SLC16A9: variants seen among roughly 807,000 people sequenced by gnomAD.
SLC16A9 encodes the protein monocarboxylate transporter 9.
A neutral mutation model predicts 44.3 loss-of-function variants in SLC16A9; 26 were observed. That is an observed-to-expected ratio of 0.59 (90% confidence interval 0.43 to 0.81). The LOEUF (loss-of-function observed/expected upper bound fraction) is 0.81, where lower values mean the gene tolerates loss of function less well. SLC16A9 is among the 40% of genes least tolerant of loss of function. The pLI is 0.00. For synonymous variants in SLC16A9, 230 were observed against 225.1 expected (o/e 1.02, Z -0.19); for missense variants, 559 against 595.8 (o/e 0.94, Z 0.64).
At chr10:59,667,491 T>A (rs537262751) in intron 3 of SLC16A9, among the ~76,000 whole-genome samples, 1 of 152,360 alleles carries the variant, frequency 6.6e-6, no homozygotes, top group African/African-American at 2.4e-5. Context: ...TTTTTCATAA[T>A]AGATATGATA....
chr10:59,676,991 TTAAA>T (rs148432888), intron 2 of SLC16A9, among the ~76,000 whole-genome samples: 42,305 of 150,030 alleles, frequency 0.28, 7,353 homozygotes, highest in Middle Eastern at 0.43. Flanking sequence ...GAAGAAATGT[TTAAA>T]TAAGCTAATA....
chr10:59,674,930 A>C (rs984954323), intron 2 of SLC16A9, among the ~76,000 whole-genome samples: 1 of 152,342 alleles, frequency 6.6e-6, no homozygotes, highest in Admixed American at 6.5e-5. Flanking sequence ...AATATACAGC[A>C]TTGTTATCAA....
In SLC16A9 at chr10:59,684,309, A is replaced by G. The variant is rs890332688; in HGVS notation, c.-18T>C. 1 of 1,608,074 alleles carries G rather than the reference A, an allele frequency of 6.2e-7. No individual in the cohort carries two copies. The highest frequency in any genetic ancestry group is 1.3e-5 in the African/African-American group (1 of 74,702). On this transcript the variant is annotated 5_prime_UTR_variant, in exon 2 of 6. Coordinates refer to ENST00000395348, the MANE Select transcript of SLC16A9 (RefSeq NM_194298.3). ...AGTTCCATTGTAAGACAAAATCAGG[A>G]GGCGTTTCTCTGCAGGTCCTAAACA...
In SLC16A9 at chr10:59,692,827, C is replaced by CA. The variant is rs1235814411; in HGVS notation, c.-36-8501dup. Reference sequence around the variant, plus strand: ...TAATTAACCAATACCTAAAAACAAACAAAAAAATGTAGGTAAACAAGTCAT... The same window carrying CA: ...TAATTAACCAATACCTAAAAACAAACAAAAAAAATGTAGGTAAACAAGTCAT... On this transcript the variant is annotated intron_variant, in intron 1 of 5. Coordinates refer to ENST00000395348, the MANE Select transcript of SLC16A9 (RefSeq NM_194298.3). 9.9e-5 allele frequency among the ~76,000 whole-genome samples: 15 copies of CA among 152,014 alleles called. No individual in the cohort carries two copies. The East Asian group carries it at 2.9e-3, about 29-fold the overall frequency.
chr10:59,697,657 T>C (rs1840426116), intron 1 of SLC16A9, among the ~76,000 whole-genome samples: 1 of 149,658 alleles, frequency 6.7e-6, no homozygotes, highest in Non-Finnish European at 1.5e-5. Context: ...GTTTATCTGC[T>C]GACCTTCCCT....
In SLC16A9 at chr10:59,654,353, T is replaced by G; in HGVS notation, c.673A>C (p.Ile225Leu). The change falls in exon 5 of 6, where the codon ATA becomes CTA. Residue 225 changes from isoleucine (I) to leucine (L), a missense_variant. Ile to Leu is a conservative substitution (Grantham distance 5). Coordinates refer to ENST00000395348, the MANE Select transcript of SLC16A9 (RefSeq NM_194298.3). ...CTGTAGCTCTTGTCAAGAATGTTTATGTTTTCTTCCAGATTCTTTCCTTTT... is the reference window on the plus strand; with the variant it reads ...CTGTAGCTCTTGTCAAGAATGTTTAGGTTTTCTTCCAGATTCTTTCCTTTT... ...NEKGKNLEEN[I>L]NILDKSYSSE... 1 of 1,614,144 alleles carries G rather than the reference T, an allele frequency of 6.2e-7. No homozygotes were observed.
intron 2 of SLC16A9, among the ~76,000 whole-genome samples, chr10:59,674,507 C>A (rs1489248715): frequency 6.6e-6 from 1 of 152,138 alleles, no homozygotes; most frequent in African/African-American, 2.4e-5. Context: ...ATATTCTGTG[C>A]CAGTATTTTA....
rs764829772 is a variant in SLC16A9 at position 59,652,747 on chromosome 10, A to G, written c.*25T>C. On this transcript the variant is annotated 3_prime_UTR_variant, in exon 6 of 6. Transcript: ENST00000395348. ...TCGTTGCTATATGGTATAAAATAGC[A>G]AAAATAGTGTCTTCCAATATTCTTC... 8.8e-6 allele frequency: 14 copies of G among 1,584,132 alleles called. No individual in the cohort carries two copies. Among genetic ancestry groups the G allele is most frequent in the Non-Finnish European group, 1.1e-5 (13 of 1,167,902 alleles).
chr10:59,708,558 A>G (rs1840694276), intron 1 of SLC16A9: 1 of 152,230 alleles, frequency 6.6e-6, no homozygotes, highest in Admixed American at 6.5e-5. Flanking sequence ...AACACATCAA[A>G]ACTGTAGCCT....
chr10:59,662,316 T>A (rs11006663), intron 4 of SLC16A9, among the ~76,000 whole-genome samples: 76 of 149,358 alleles, frequency 5.1e-4, no homozygotes, highest in African/African-American at 1.7e-3. Flanking sequence ...CAAAAAGTGG[T>A]GAAGGATATG....
At chr10:59,696,266 A>G (rs1840371266) in intron 1 of SLC16A9, among the ~76,000 whole-genome samples, 1 of 152,108 alleles carries the variant, frequency 6.6e-6, no homozygotes, top group Non-Finnish European at 1.5e-5. Flanking sequence ...CCCACGCCTG[A>G]CTGGTTTTCG....
Position 59,654,408 on chromosome 10 carries a change from A to T in SLC16A9, c.618T>A (p.Asp206Glu), listed in dbSNP as rs775979449. 2 of 1,613,680 alleles carry T rather than the reference A, an allele frequency of 1.2e-6. No homozygotes were observed. Among genetic ancestry groups the T allele is most frequent in the Admixed American group, 3.3e-5 (2 of 60,028 alleles). ...TGTAAATGGAGTATTTATCTGGTAG[A>T]TCTTCTGGAGCTATTTTTTTAGGCA... is the stretch of plus-strand genomic sequence containing the variant. ...CPLPKKIAPE[D>E]LPDKYSIYNE... Residue 206 changes from aspartate (D) to glutamate (E), a missense_variant, in exon 5 of 6, where the codon GAT (aspartate) becomes GAA (glutamate). Physicochemically the swap from Asp to Glu is conservative, Grantham distance 45. Coordinates refer to ENST00000395348, the MANE Select transcript of SLC16A9 (RefSeq NM_194298.3).
intron 1 of SLC16A9, among the ~76,000 whole-genome samples, chr10:59,699,492 C>T (rs74152119): frequency 0.012 from 1,799 of 152,252 alleles, 42 homozygotes; most frequent in African/African-American, 0.042. Context: ...GAGTGTACAT[C>T]GCAGCTCTGG....
intron 1 of SLC16A9, among the ~76,000 whole-genome samples, chr10:59,694,294 T>C (rs1840320302): frequency 6.6e-6 from 1 of 152,164 alleles, no homozygotes; most frequent in Admixed American, 6.5e-5. Context: ...CTTGATCAGA[T>C]TGTCTCAGAA....
intron 1 of SLC16A9, among the ~76,000 whole-genome samples, chr10:59,689,528 C>T (rs1840208120): frequency 6.6e-6 from 1 of 152,138 alleles, no homozygotes; most frequent in African/African-American, 2.4e-5. Flanking sequence ...GAGTGAAATG[C>T]TATATAAGGA....
At chr10:59,697,302 T>C (rs61863101) in intron 1 of SLC16A9, among the ~76,000 whole-genome samples, 8 of 150,324 alleles carry the variant, frequency 5.3e-5, no homozygotes, top group Non-Finnish European at 8.9e-5. Flanking sequence ...GGGGGAAAGG[T>C]GGGGAAAAGA....
chr10:59,691,814 T>G (rs1840259223), intron 1 of SLC16A9, among the ~76,000 whole-genome samples: 1 of 152,202 alleles, frequency 6.6e-6, no homozygotes, highest in Non-Finnish European at 1.5e-5. Context: ...TGGCTGAAAA[T>G]TTCTGCTCTG....
At chr10:59,662,287 AAG>A (rs1308278549) in intron 4 of SLC16A9, among the ~76,000 whole-genome samples, 1 of 146,734 alleles carries the variant, frequency 6.8e-6, no homozygotes, top group African/African-American at 2.7e-5. Flanking sequence ...ACAAATTTAC[AAG>A]AAAAAAAAAA....
At chr10:59,705,823 G>T (rs969739718) in intron 1 of SLC16A9, among the ~76,000 whole-genome samples, 1 of 152,194 alleles carries the variant, frequency 6.6e-6, no homozygotes, top group Non-Finnish European at 1.5e-5. Flanking sequence ...AAAAAGTACA[G>T]TTAAGGATGT....
Sources: gnomAD v4.1 joint callset for allele counts (sites outside exome capture counted in the v4.1 genomes callset) on GRCh38, gnomAD v4.1.1 for gene constraint, MANE v1.5 for transcripts, NCBI Gene and HGNC (gene_info 2026-07-23, HGNC 2026-07-21) for gene names.